The following SYNE2 variants were observed in gnomAD, a reference collection of about 807,000 sequenced individuals.
SYNE2 encodes nesprin-2.
A neutral mutation model predicts 856.3 loss-of-function variants in SYNE2; 431 were observed. The observed-to-expected ratio is 0.50, with a 90% CI of 0.47 to 0.55. The LOEUF (loss-of-function observed/expected upper bound fraction) is 0.55. Among genes scored for constraint, SYNE2 ranks in the 20% least tolerant of loss-of-function variants. The pLI, the probability that SYNE2 is intolerant of heterozygous loss-of-function variation, is 0.00. For synonymous variants in SYNE2, 2,923 were observed against 2,872.3 expected (o/e 1.02, Z -0.56); for missense variants, 8,129 against 8,023.2 (o/e 1.01, Z -0.50).
chr14:64,146,625 C>G (rs533069838), intron 84 of SYNE2, among the ~76,000 whole-genome samples: 1 of 152,274 alleles, frequency 6.6e-6, no homozygotes, highest in Admixed American at 6.5e-5. Flanking sequence ...AAATGATTTT[C>G]TTCTACCTAT....
chr14:63,971,392 A>G (rs1340640453), intron 11 of SYNE2, among the ~76,000 whole-genome samples: 1 of 152,138 alleles, frequency 6.6e-6, no homozygotes, highest in Non-Finnish European at 1.5e-5. Context: ...CTGGGATTAC[A>G]GATGTGAGCC....
At chr14:63,761,906 C>T in exon 1 of SYNE2, 2 of 233,596 alleles carry the variant, frequency 8.6e-6, no homozygotes, top group South Asian at 9.8e-5. Flanking sequence ...GCTGCAGGAC[C>T]GCCGTGACGA....
chr14:64,219,271 A>C lies in SYNE2; in HGVS notation c.19721A>C (p.Gln6574Pro). The change falls in exon 110 of 116, where the codon CAA (glutamine) becomes CCA (proline). Residue 6574 changes from glutamine (Q) to proline (P), a missense_variant. Transcript: ENST00000555002. ...QELHNKLKIK[Q>P]NLQQLNSDIS... ...CTTCACAATAAGCTCAAAATAAAAC[A>C]AAATTTGCAACAGCTGAACTCTGAT... 6.2e-7 allele frequency: 1 copy of C among 1,614,132 alleles called. No individual in the cohort carries two copies. Among genetic ancestry groups the C allele is most frequent in the Middle Eastern group, 1.6e-4 (1 of 6,062 alleles).
chr14:63,851,167 C>A (rs1305063847), upstream of SYNE2, among the ~76,000 whole-genome samples: 1 of 152,062 alleles, frequency 6.6e-6, no homozygotes, highest in Non-Finnish European at 1.5e-5. Context: ...TCAAGACCAG[C>A]CTGGCCAAGA....
chr14:63,765,380 C>T (rs766104244), intron 1 of SYNE2, among the ~76,000 whole-genome samples: 3 of 152,012 alleles, frequency 2.0e-5, no homozygotes, highest in Non-Finnish European at 4.4e-5. Flanking sequence ...TGAGATGGAG[C>T]CTCACTCTGT....
At chr14:64,006,799 C>T (rs771701001) in intron 30 of SYNE2, among the ~76,000 whole-genome samples, 1 of 151,900 alleles carries the variant, frequency 6.6e-6, no homozygotes, top group Non-Finnish European at 1.5e-5. Context: ...CTGCACTCAG[C>T]GTAGGTGACA....
rs529463885 is a variant in SYNE2, at chr14:63,790,733, G to C, written c.-305+28747G>C. On this transcript the variant is annotated intron_variant, in intron 1 of 23. Coordinates refer to the SYNE2 transcript ENST00000674003. ...TGAATATTATTCAACATTTTGCAGAGGTGTCTGGCTCTGTGCAGAAAGAAT... is the reference window on the plus strand; with the variant it reads ...TGAATATTATTCAACATTTTGCAGACGTGTCTGGCTCTGTGCAGAAAGAAT... Among the ~76,000 whole-genome samples, 4 of 152,178 alleles carry C rather than the reference G, an allele frequency of 2.6e-5. No homozygotes were observed. In the East Asian group the frequency reaches 5.8e-4, roughly 22 times the overall value.
At position 64,170,391 on chromosome 14, in the gene SYNE2, C is replaced by T; in HGVS notation, c.17164C>T (p.Leu5722=). 6.2e-7 allele frequency: 1 copy of T among 1,614,212 alleles called. No homozygotes were observed. The highest frequency in any genetic ancestry group is 8.5e-7 in the Non-Finnish European group (1 of 1,180,044). The part of the protein sequence containing the change: ...LFRFLTDTSH[L]LSAVKGQERF... ...TCGCTTCCTCACTGACACCAGCCAC[C>T]TGCTATCTGCAGTGAAGGGCCAGGA... Residue 5722 remains leucine (L), a synonymous_variant, in exon 94 of 116, where the codon CTG becomes TTG. Transcript: ENST00000555002.
intron 51 of SYNE2, among the ~76,000 whole-genome samples, chr14:64,069,294 A>G (rs57395488): frequency 0.033 from 1,045 of 31,292 alleles, 17 homozygotes; most frequent in African/African-American, 0.067. Context: ...AAATGATACA[A>G]TGGAAACCCT....
intron 1 of SYNE2, among the ~76,000 whole-genome samples, chr14:63,836,130 TC>T (rs1889853107): frequency 6.6e-6 from 1 of 152,118 alleles, no homozygotes; most frequent in Admixed American, 6.6e-5. Context: ...CAGGTGATCC[TC>T]CCACCTCAGA....
At chr14:64,153,377 A>G (rs1479444455) in intron 85 of SYNE2, among the ~76,000 whole-genome samples, 2 of 152,194 alleles carry the variant, frequency 1.3e-5, no homozygotes, top group Non-Finnish European at 2.9e-5. Flanking sequence ...AACCAATTAT[A>G]CCAATCAATT....
At chr14:63,903,892 C>A (rs767545706) in intron 1 of SYNE2, among the ~76,000 whole-genome samples, 12 of 150,944 alleles carry the variant, frequency 7.9e-5, no homozygotes, top group Admixed American at 2.6e-4. Flanking sequence ...GGCACATGTG[C>A]AGGTTTGTAA....
At chr14:64,187,008 T>A (rs2098494995) in intron 97 of SYNE2, among the ~76,000 whole-genome samples, 1 of 152,228 alleles carries the variant, frequency 6.6e-6, no homozygotes, top group Non-Finnish European at 1.5e-5. Context: ...GCATTTCATA[T>A]GAGTACTCTG....
chr14:64,078,961 A>C (rs1042028694), intron 55 of SYNE2, among the ~76,000 whole-genome samples: 1 of 152,040 alleles, frequency 6.6e-6, no homozygotes, highest in African/African-American at 2.4e-5. Context: ...AATTCTAGCT[A>C]CTCGGGAGGC....
chr14:64,087,710 C>T lies in SYNE2; in HGVS notation c.11524C>T (p.His3842Tyr). The T allele has an allele frequency of 6.2e-7, 1 of 1,614,104 alleles. No individual in the cohort carries two copies. The highest frequency in any genetic ancestry group is 8.5e-7 in the Non-Finnish European group (1 of 1,180,006). ...TTCAGAACAGAAGCACAATCTTTTACATTCAATCTTTATGGATCTAGAAGA... is the reference window on the plus strand; with the variant it reads ...TTCAGAACAGAAGCACAATCTTTTATATTCAATCTTTATGGATCTAGAAGA... Reference protein sequence around the residue: ...EDSEQKHNLLHSIFMDLEDLS... With the variant: ...EDSEQKHNLLYSIFMDLEDLS... Residue 3842 changes from histidine (H) to tyrosine (Y), a missense_variant, in exon 58 of 116, where the codon CAT becomes TAT. Coordinates refer to ENST00000555002, the MANE Select transcript of SYNE2 (RefSeq NM_182914.3).
chr14:64,109,968 T>C (rs555805006), intron 65 of SYNE2, among the ~76,000 whole-genome samples: 1 of 152,286 alleles, frequency 6.6e-6, no homozygotes, highest in African/African-American at 2.4e-5. Context: ...AGGATAAATA[T>C]TTAGTATGGA....
chr14:64,022,898 T>A, intron 38 of SYNE2, 35 bp downstream of exon 38: 2 of 1,169,202 alleles, frequency 1.7e-6, no homozygotes, highest in Non-Finnish European at 1.3e-6. Context: ...ATAAAAATTT[T>A]CAATACTAAA....
intron 99 of SYNE2, among the ~76,000 whole-genome samples, chr14:64,192,318 G>T (rs1408153288): frequency 1.3e-5 from 2 of 152,150 alleles, no homozygotes; most frequent in Admixed American, 6.5e-5. Flanking sequence ...CTAGTCGAGG[G>T]TATGATGGCA....
At position 64,053,091 on chromosome 14, in the gene SYNE2, T is replaced by G; in HGVS notation, c.9178T>G (p.Leu3060Val). Reference protein sequence around the residue: ...ALLSKMRAIDLQIKKMTEVVL... With the variant: ...ALLSKMRAIDVQIKKMTEVVL... ...ATTAAGTAAAATGAGAGCTATTGAT[T>G]TGCAAATTAAGAAAATGACTGAAGT... is the stretch of plus-strand genomic sequence containing the variant. Residue 3060 changes from leucine (L) to valine (V), a missense_variant, in exon 48 of 116, where the codon TTG becomes GTG. Around this residue, in one of 3 missense-constraint regions of SYNE2, gnomAD observed 5,410 missense variants for 5,284.8 expected, o/e 1.02. Coordinates refer to ENST00000555002, the MANE Select transcript of SYNE2 (RefSeq NM_182914.3). The G allele has an allele frequency of 6.2e-7, 1 of 1,614,042 alleles. No homozygotes were observed. The highest frequency in any genetic ancestry group is 8.5e-7 in the Non-Finnish European group (1 of 1,180,016).
Sources: allele counts gnomAD v4.1 joint callset (sites outside exome capture counted in the v4.1 genomes callset), GRCh38; gene constraint gnomAD v4.1.1; regional missense constraint gnomAD v4.1.1; transcripts MANE v1.5; gene names NCBI Gene and HGNC (gene_info 2026-07-23, HGNC 2026-07-21).